METTL15: variants seen among roughly 807,000 people sequenced by gnomAD.
METTL15 encodes methyltransferase 15, mitochondrial 12S rRNA N4-cytidine, also known as 12S rRNA N(4)-cytidine methyltransferase METTL15.
Under a neutral mutation model 38.3 loss-of-function variants are expected in METTL15, and 34 were observed. The ratio of observed to expected loss-of-function variants is 0.89; its 90% CI spans 0.68 to 1.18. The LOEUF (loss-of-function observed/expected upper bound fraction) is 1.18, where lower values mean the gene tolerates loss of function less well. METTL15 is among the 50% of genes most tolerant of loss of function. METTL15 has a pLI of 0.00. For synonymous variants in METTL15, 162 were observed against 170.9 expected, an observed-to-expected ratio of 0.95 and a Z score of 0.41; for missense variants, 438 against 498.4, an observed-to-expected ratio of 0.88 and a Z score of 1.15.
At chr11:28,154,830 G>C (rs1293770353) in intron 3 of METTL15, among the ~76,000 whole-genome samples, 14 of 152,054 alleles carry the variant, frequency 9.2e-5, no homozygotes, top group Admixed American at 5.9e-4. Context: ...GTTTTTCTCA[G>C]TTCTCTCTCA....
At chr11:28,510,921 G>T (rs750681790) in intron 6 of METTL15, among the ~76,000 whole-genome samples, 1 of 152,212 alleles carries the variant, frequency 6.6e-6, no homozygotes, top group South Asian at 2.1e-4. Context: ...GAAATGACAA[G>T]TTGGACAGGC....
At chr11:28,184,619 C>T (rs540716907) in intron 3 of METTL15, among the ~76,000 whole-genome samples, 1 of 151,336 alleles carries the variant, frequency 6.6e-6, no homozygotes, top group South Asian at 2.1e-4. Flanking sequence ...ATACTTAGTA[C>T]AGTACTTAGC....
intron 5 of METTL15, among the ~76,000 whole-genome samples, chr11:28,374,256 A>G (rs1241934114): frequency 2.0e-5 from 3 of 152,112 alleles, no homozygotes; most frequent in South Asian, 2.1e-4. Context: ...TACCTTGGGC[A>G]GTATGGCCAT....
intron 4 of METTL15, among the ~76,000 whole-genome samples, chr11:28,217,617 A>G (rs775404704): frequency 1.3e-5 from 2 of 152,148 alleles, no homozygotes; most frequent in African/African-American, 2.4e-5. Context: ...GGTGTTTTAG[A>G]TATGAAATCC....
chr11:28,170,743 A>G (rs1850826730), intron 3 of METTL15, among the ~76,000 whole-genome samples: 1 of 152,146 alleles, frequency 6.6e-6, no homozygotes, highest in Non-Finnish European at 1.5e-5. Flanking sequence ...TAAATTGTGT[A>G]TAATGAGCAG....
At chr11:28,353,931 CAAAA>C (rs374097845) in intron 4 of METTL15, among the ~76,000 whole-genome samples, 2 of 46,348 alleles carry the variant, frequency 4.3e-5, no homozygotes, top group African/African-American at 1.7e-4. Flanking sequence ...GACTCCGTCT[CAAAA>C]AAAAAAAAAA....
intron 4 of METTL15, among the ~76,000 whole-genome samples, chr11:28,238,861 T>A (rs534323933): frequency 9.8e-5 from 15 of 152,306 alleles, no homozygotes; most frequent in Non-Finnish European, 1.6e-4. Context: ...AATGCCAAAT[T>A]CAGTGGTTAG....
intron 4 of METTL15, among the ~76,000 whole-genome samples, chr11:28,354,279 C>G (rs1175650083): frequency 6.6e-6 from 1 of 152,138 alleles, no homozygotes; most frequent in Non-Finnish European, 1.5e-5. Flanking sequence ...AACCCTTTTT[C>G]CCCTTTGCCT....
chr11:28,325,019 G>T (rs1383849529), intron 6 of METTL15, among the ~76,000 whole-genome samples: 1 of 152,136 alleles, frequency 6.6e-6, no homozygotes, highest in East Asian at 1.9e-4. Context: ...TTCAGGGTCA[G>T]CAGCTTAACT....
At chr11:28,298,144 C>G (rs1383887658) in intron 6 of METTL15, among the ~76,000 whole-genome samples, 1 of 151,820 alleles carries the variant, frequency 6.6e-6, no homozygotes, top group African/African-American at 2.4e-5. Flanking sequence ...TAAAATATTT[C>G]ATATTTTCCC....
intron 4 of METTL15, among the ~76,000 whole-genome samples, chr11:28,212,904 A>G (rs1285312727): frequency 6.6e-6 from 1 of 152,170 alleles, no homozygotes; most frequent in Admixed American, 6.5e-5. Context: ...ATTCCTTTAA[A>G]CACCACACTT....
intron 6 of METTL15, among the ~76,000 whole-genome samples, chr11:28,449,628 C>G (rs1851103097): frequency 6.6e-6 from 1 of 152,094 alleles, no homozygotes; most frequent in Non-Finnish European, 1.5e-5. Context: ...TCTCCACTTT[C>G]AAGTCACAGG....
At chr11:28,468,841 A>T (rs990426365) in intron 6 of METTL15, among the ~76,000 whole-genome samples, 1 of 152,134 alleles carries the variant, frequency 6.6e-6, no homozygotes, top group African/African-American at 2.4e-5. Flanking sequence ...TAAATGCTTC[A>T]TGGTTGAATG....
chr11:28,207,175 G>A (rs10835287), intron 3 of METTL15, among the ~76,000 whole-genome samples: 3 of 148,736 alleles, frequency 2.0e-5, no homozygotes, highest in Admixed American at 1.3e-4. Flanking sequence ...GAGGGCATCC[G>A]TGTCTTGTGC....
At chr11:28,229,749 G>A (rs569838306) in intron 4 of METTL15, among the ~76,000 whole-genome samples, 1 of 152,058 alleles carries the variant, frequency 6.6e-6, no homozygotes, top group East Asian at 1.9e-4. Context: ...AAATTACCCA[G>A]TCTAAGATGT....
intron 4 of METTL15, among the ~76,000 whole-genome samples, chr11:28,353,435 A>T (rs1447290420): frequency 7.9e-5 from 12 of 152,228 alleles, no homozygotes; most frequent in Non-Finnish European, 1.5e-5. Context: ...ATTAATATGT[A>T]AAATTTACTT....
chr11:28,466,576 T>C (rs990683339), intron 6 of METTL15, among the ~76,000 whole-genome samples: 1 of 152,146 alleles, frequency 6.6e-6, no homozygotes, highest in African/African-American at 2.4e-5. Context: ...AACTATGTAA[T>C]TCTGTAATCC....
chr11:28,385,571 A>G (rs760760936), intron 5 of METTL15, among the ~76,000 whole-genome samples: 3 of 152,154 alleles, frequency 2.0e-5, no homozygotes, highest in Non-Finnish European at 4.4e-5. Context: ...CAAGTTGGGT[A>G]ACATGATGCT....
intron 4 of METTL15, among the ~76,000 whole-genome samples, chr11:28,232,705 A>C (rs1438076796): frequency 1.3e-5 from 2 of 151,966 alleles, no homozygotes; most frequent in Non-Finnish European, 2.9e-5. Flanking sequence ...TTGCAATGAT[A>C]CTGGTTAATT....
Sources: allele counts gnomAD v4.1 joint callset (sites outside exome capture counted in the v4.1 genomes callset), GRCh38; gene constraint gnomAD v4.1.1; transcripts MANE v1.5; gene names NCBI Gene and HGNC (gene_info 2026-07-23, HGNC 2026-07-21).